The following GRID2 variants were observed in gnomAD, a reference collection of about 807,000 sequenced individuals.
GRID2 encodes glutamate ionotropic receptor delta type subunit 2.
GRID2 carries 33 observed loss-of-function variants against 114.8 expected under a neutral mutation model. The ratio of observed to expected loss-of-function variants is 0.29; its 90% CI spans 0.22 to 0.38. The LOEUF is 0.38. Among genes scored for constraint, GRID2 ranks in the 10% least tolerant of loss-of-function variants. GRID2 has a pLI of 1.00. For synonymous variants in GRID2, 505 were observed against 449.9 expected, an observed-to-expected ratio of 1.12 and a Z score of -1.55; for missense variants, 1,184 against 1,257.7, an observed-to-expected ratio of 0.94 and a Z score of 0.89.
chr4:93,544,251 G>A (rs1235989732), intron 13 of GRID2, among the ~76,000 whole-genome samples: 2 of 152,026 alleles, frequency 1.3e-5, no homozygotes. Context: ...ACTCCTTTGA[G>A]ATCTCTGGGA....
chr4:92,942,784 G>A (rs1454969053), intron 2 of GRID2, among the ~76,000 whole-genome samples: 2 of 152,050 alleles, frequency 1.3e-5, no homozygotes, highest in African/African-American at 2.4e-5. Context: ...AAATCTCTCA[G>A]CATTTGCTTG....
chr4:93,240,382 A>G (rs1747347983), intron 8 of GRID2, among the ~76,000 whole-genome samples: 1 of 151,588 alleles, frequency 6.6e-6, no homozygotes, highest in Admixed American at 6.6e-5. Context: ...ATTATGAAAC[A>G]GTCTGCACCT....
chr4:93,774,565 C>G lies in GRID2; in HGVS notation c.*2067C>G, dbSNP rs181757134. On this transcript the variant is annotated 3_prime_UTR_variant, in exon 16 of 16. Transcript: ENST00000282020. ...TAAAAATGTTTTCTAAACTTGCTCT[C>G]ATACTATTGAAGTCTTAACTGTAAG... 1.3e-5 allele frequency: 2 copies of G among 152,260 alleles called. No individual in the cohort carries two copies. The allele number at this position is 152,260 out of a possible 1,614,324, so 9.4% of individuals were successfully genotyped here.
chr4:93,796,694 C>A (rs1013272047), intron 1 of GRID2, among the ~76,000 whole-genome samples: 2 of 152,114 alleles, frequency 1.3e-5, no homozygotes, highest in African/African-American at 4.8e-5. Context: ...CGGGCATGTG[C>A]CACCACACCT....
intron 13 of GRID2, among the ~76,000 whole-genome samples, chr4:93,554,412 C>T (rs533896500): frequency 6.7e-6 from 1 of 150,164 alleles, no homozygotes; most frequent in Non-Finnish European, 1.5e-5. Flanking sequence ...GTCCATTTAT[C>T]TCTTTTTTCT....
chr4:92,713,495 A>G (rs1260619013), intron 2 of GRID2, among the ~76,000 whole-genome samples: 4 of 126,754 alleles, frequency 3.2e-5, no homozygotes, highest in Non-Finnish European at 5.1e-5. Context: ...ATATATATAT[A>G]TATATATATA....
chr4:93,607,940 A>AT (rs1236388506), intron 13 of GRID2, among the ~76,000 whole-genome samples: 1 of 151,348 alleles, frequency 6.6e-6, no homozygotes, highest in African/African-American at 2.4e-5. Flanking sequence ...CCATGTTCCA[A>AT]TTTTTTCCAA....
intron 1 of GRID2, among the ~76,000 whole-genome samples, chr4:92,327,378 G>GTA (rs1491013672): frequency 6.6e-6 from 1 of 151,902 alleles, no homozygotes; most frequent in Non-Finnish European, 1.5e-5. Context: ...GTGTGTGTGT[G>GTA]TGTGTGTGCC....
At chr4:92,786,252 C>G (rs555890057) in intron 2 of GRID2, among the ~76,000 whole-genome samples, 1 of 151,552 alleles carries the variant, frequency 6.6e-6, no homozygotes, top group Admixed American at 6.6e-5. Flanking sequence ...GGACATGGAC[C>G]CTAGTTTAAA....
intron 14 of GRID2, among the ~76,000 whole-genome samples, chr4:93,738,896 A>T (rs1731145469): frequency 1.3e-5 from 2 of 152,166 alleles, no homozygotes; most frequent in Admixed American, 1.3e-4. Context: ...TAACTCTAAC[A>T]TTCAACTGGA....
rs569729972 is a variant in GRID2 at position 93,729,139 on chromosome 4, G to A, written c.2361-40071G>A. ...TCTTGAACTCCTGACCTCATGATCC[G>A]CCCACCTTGGCCTCCCAAAGTGCTG... is the stretch of plus-strand genomic sequence containing the variant. On this transcript the variant is annotated intron_variant, in intron 14 of 15. Coordinates refer to ENST00000282020, the MANE Select transcript of GRID2 (RefSeq NM_001510.4). 3.6e-4 allele frequency among the ~76,000 whole-genome samples: 55 copies of A among 152,178 alleles called. 1 individual carries two copies. The highest frequency in any genetic ancestry group is 6.2e-4 in the South Asian group (3 of 4,816).
chr4:92,937,578 T>A (rs151117361), intron 2 of GRID2, among the ~76,000 whole-genome samples: 1 of 146,746 alleles, frequency 6.8e-6, no homozygotes, highest in South Asian at 2.3e-4. Context: ...TTTATATTTA[T>A]GTCAGTATCA....
chr4:93,221,507 C>T (rs1379477140), intron 6 of GRID2, among the ~76,000 whole-genome samples: 1 of 152,014 alleles, frequency 6.6e-6, no homozygotes, highest in Admixed American at 6.6e-5. Context: ...TGTTTCTGTC[C>T]AGTAAATGGT....
At chr4:93,562,799 C>G (rs754621763) in intron 13 of GRID2, among the ~76,000 whole-genome samples, 2 of 152,004 alleles carry the variant, frequency 1.3e-5, no homozygotes, top group Non-Finnish European at 2.9e-5. Flanking sequence ...TATCTTTTCT[C>G]TATTGTATTG....
intron 1 of GRID2, among the ~76,000 whole-genome samples, chr4:92,319,382 A>G (rs1227290225): frequency 6.6e-6 from 1 of 152,198 alleles, no homozygotes; most frequent in Non-Finnish European, 1.5e-5. Flanking sequence ...GTGGCCCTTG[A>G]TTGAATTTCC....
intron 8 of GRID2, among the ~76,000 whole-genome samples, chr4:93,263,912 G>A (rs1480923789): frequency 6.6e-6 from 1 of 152,138 alleles, no homozygotes; most frequent in Non-Finnish European, 1.5e-5. Flanking sequence ...GAGCATAGAA[G>A]TCAACTGAAA....
chr4:92,803,199 G>C (rs1036982172), intron 2 of GRID2, among the ~76,000 whole-genome samples: 1 of 151,812 alleles, frequency 6.6e-6, no homozygotes, highest in African/African-American at 2.4e-5. Flanking sequence ...AGAATTGGTA[G>C]CCATTAACCA....
chr4:92,489,673 C>T (rs1723060537), intron 1 of GRID2, among the ~76,000 whole-genome samples: 1 of 151,920 alleles, frequency 6.6e-6, no homozygotes, highest in Admixed American at 6.6e-5. Flanking sequence ...TGGTGAAACA[C>T]CGTCTCTACT....
At chr4:93,766,383 C>A (rs1354367361) in intron 14 of GRID2, among the ~76,000 whole-genome samples, 2 of 152,034 alleles carry the variant, frequency 1.3e-5, no homozygotes. Flanking sequence ...AGGGGAAGCC[C>A]CTTATAAAAC....
Sources: gnomAD v4.1 joint callset for allele counts (sites outside exome capture counted in the v4.1 genomes callset) on GRCh38, gnomAD v4.1.1 for gene constraint, MANE v1.5 for transcripts, NCBI Gene and HGNC (gene_info 2026-07-23, HGNC 2026-07-21) for gene names.